Variants in COL21A1 observed in about 807,000 individuals in gnomAD.
COL21A1 encodes the protein collagen alpha-1(XXI) chain.
COL21A1 carries 149 observed loss-of-function variants against 137.9 expected under a neutral mutation model. The observed-to-expected ratio is 1.08, with a 90% CI of 0.95 to 1.24. The LOEUF is 1.24. Among genes scored for constraint, COL21A1 ranks in the 50% most tolerant of loss-of-function variants. The pLI, the probability that COL21A1 is intolerant of heterozygous loss-of-function variation, is 0.00. For missense variants in COL21A1, 1,167 were observed against 1,158.4 expected, an observed-to-expected ratio of 1.01 and a Z score of -0.11; for synonymous variants, 456 against 391.5, an observed-to-expected ratio of 1.16 and a Z score of -1.95.
intron 1 of COL21A1, among the ~76,000 whole-genome samples, chr6:56,347,393 C>T (rs897698511): frequency 6.6e-6 from 1 of 151,928 alleles, no homozygotes; most frequent in African/African-American, 2.4e-5. Context: ...TTGCCCTGGT[C>T]TTCTATTATC....
At chr6:56,135,848 A>C (rs560739560) in intron 12 of COL21A1, among the ~76,000 whole-genome samples, 1 of 152,236 alleles carries the variant, frequency 6.6e-6, no homozygotes, top group East Asian at 1.9e-4. Context: ...ATTTTATTTG[A>C]CTTTCTTCTT....
rs1562188983 is a variant in COL21A1, at chr6:56,097,978, T to A, written c.1812+3494A>T. On this transcript the variant is annotated intron_variant, in intron 17 of 29. Coordinates refer to ENST00000244728, the MANE Select transcript of COL21A1 (RefSeq NM_030820.4). ...AAAAATATATATAAATATATAAATA[T>A]ATATAAATATATATGTAAATATATA... is the stretch of plus-strand genomic sequence containing the variant. 2.0e-3 allele frequency among the ~76,000 whole-genome samples: 138 copies of A among 67,820 alleles called. 4 individuals are homozygous for A. Among genetic ancestry groups the A allele is most frequent in the African/African-American group, 7.9e-3 (104 of 13,142 alleles). The allele number at this position is 67,820 out of a possible 152,430, so 44.5% of individuals were successfully genotyped here.
At chr6:56,119,814 A>C (rs569490457) in intron 16 of COL21A1, among the ~76,000 whole-genome samples, 3 of 152,190 alleles carry the variant, frequency 2.0e-5, no homozygotes, top group Non-Finnish European at 4.4e-5. Context: ...GGGAAAAGAC[A>C]GTTTCTTCAA....
chr6:56,348,252 T>C (rs1449866350), intron 1 of COL21A1, among the ~76,000 whole-genome samples: 2 of 152,090 alleles, frequency 1.3e-5, no homozygotes, highest in Admixed American at 6.6e-5. Context: ...CATATTGAAG[T>C]AGAGACATAA....
intron 1 of COL21A1, among the ~76,000 whole-genome samples, chr6:56,185,180 GA>G (rs1225394118): frequency 1.3e-5 from 2 of 150,254 alleles, no homozygotes; most frequent in South Asian, 2.1e-4. Flanking sequence ...TAAAAAAGTA[GA>G]AAAAAAGTAG....
At chr6:56,208,931 T>G (rs1320150694) in intron 1 of COL21A1, among the ~76,000 whole-genome samples, 1 of 152,184 alleles carries the variant, frequency 6.6e-6, no homozygotes, top group East Asian at 1.9e-4. Flanking sequence ...GGGAAAGGAT[T>G]CCTTATTTAA....
At chr6:56,101,836 A>G (rs1159351046) in intron 16 of COL21A1, among the ~76,000 whole-genome samples, 1 of 152,180 alleles carries the variant, frequency 6.6e-6, no homozygotes, top group African/African-American at 2.4e-5. Flanking sequence ...CCAATATTCT[A>G]TATCAGTCCT....
chr6:56,297,409 A>T (rs1406658923), intron 1 of COL21A1, among the ~76,000 whole-genome samples: 1 of 152,104 alleles, frequency 6.6e-6, no homozygotes, highest in Non-Finnish European at 1.5e-5. Context: ...TCACTACCTT[A>T]AAATTTAATC....
intron 9 of COL21A1, among the ~76,000 whole-genome samples, chr6:56,157,748 T>C (rs1302038313): frequency 1.3e-5 from 2 of 152,278 alleles, no homozygotes; most frequent in African/African-American, 4.8e-5. Context: ...GACTATCATT[T>C]CTTTCAATCC....
chr6:56,069,615 T>G (rs1272142734), intron 21 of COL21A1, among the ~76,000 whole-genome samples: 1 of 150,370 alleles, frequency 6.7e-6, no homozygotes, highest in Non-Finnish European at 1.5e-5. Context: ...CTAACTCTAA[T>G]TCATAAACAC....
chr6:56,177,152 A>G (rs1475294891), intron 3 of COL21A1, among the ~76,000 whole-genome samples: 1 of 152,126 alleles, frequency 6.6e-6, no homozygotes, highest in Non-Finnish European at 1.5e-5. Context: ...GCAGCAGCAC[A>G]AGTCTTTTAC....
chr6:56,116,654 T>C (rs1771959209), intron 16 of COL21A1, among the ~76,000 whole-genome samples: 1 of 151,994 alleles, frequency 6.6e-6, no homozygotes, highest in South Asian at 2.1e-4. Flanking sequence ...AAACACGGAA[T>C]ATTATACACT....
chr6:56,211,477 A>C (rs978610368), intron 1 of COL21A1, among the ~76,000 whole-genome samples: 4 of 152,028 alleles, frequency 2.6e-5, no homozygotes, highest in African/African-American at 9.7e-5. Flanking sequence ...AGGTGTGGCC[A>C]ATAGCAGCAT....
At chr6:56,078,187 G>A in intron 17 of COL21A1, 1 of 455,816 alleles carries the variant, frequency 2.2e-6, no homozygotes, top group South Asian at 1.5e-5. Flanking sequence ...ATATGCACAT[G>A]TCTGTAGCAA....
At chr6:56,352,037 G>A (rs1349260534) in intron 1 of COL21A1, among the ~76,000 whole-genome samples, 4 of 152,122 alleles carry the variant, frequency 2.6e-5, no homozygotes, top group African/African-American at 9.7e-5. Context: ...AGGAGGCTGA[G>A]GCAGAAAGAT....
At position 56,375,742 on chromosome 6, in the gene COL21A1, A is replaced by ATATT. The variant is rs1172857475; in HGVS notation, c.-39+18228_-39+18229insAATA. 2.0e-5 allele frequency among the ~76,000 whole-genome samples: 3 copies of ATATT among 152,180 alleles called. No homozygotes were observed. In the East Asian group the frequency reaches 5.8e-4, roughly 29 times the overall value. On this transcript the variant is annotated intron_variant, in intron 1 of 28. Coordinates refer to the COL21A1 transcript ENST00000370819. ...AAATCAAATCAAAATATTCCCTGAA[A>ATATT]GACTTCATTATTGACCACATGTGGC...
intron 17 of COL21A1, among the ~76,000 whole-genome samples, chr6:56,088,493 A>T (rs888081055): frequency 3.3e-5 from 5 of 152,226 alleles, no homozygotes; most frequent in African/African-American, 9.6e-5. Context: ...CAAAAAGTAC[A>T]AAGTTTTTGC....
At chr6:56,110,647 A>T (rs1424235213) in intron 16 of COL21A1, among the ~76,000 whole-genome samples, 2 of 152,046 alleles carry the variant, frequency 1.3e-5, no homozygotes, top group African/African-American at 4.8e-5. Context: ...AGACTGTAGG[A>T]TATACAATCA....
At chr6:56,221,198 C>T (rs996043639) in intron 1 of COL21A1, among the ~76,000 whole-genome samples, 12 of 152,114 alleles carry the variant, frequency 7.9e-5, no homozygotes, top group African/African-American at 2.9e-4. Flanking sequence ...GTGACAACCA[C>T]AGATGTTCCC....
Sources: gnomAD v4.1 joint callset for allele counts (sites outside exome capture counted in the v4.1 genomes callset) on GRCh38, gnomAD v4.1.1 for gene constraint, MANE v1.5 for transcripts, NCBI Gene and HGNC (gene_info 2026-07-23, HGNC 2026-07-21) for gene names.